Variants in PLPPR3 observed in about 807,000 individuals in gnomAD.
PLPPR3 encodes phospholipid phosphatase-related protein type 3.
A neutral mutation model predicts 27.3 loss-of-function variants in PLPPR3; 14 were observed. The observed-to-expected ratio is 0.51, with a 90% CI of 0.34 to 0.80. The LOEUF (loss-of-function observed/expected upper bound fraction) is 0.80. PLPPR3 is among the 30% of genes least tolerant of loss of function. PLPPR3 has a pLI of 0.01. For synonymous variants in PLPPR3, 671 were observed against 508.0 expected (o/e 1.32, Z -4.32); for missense variants, 1,287 against 1,056.9 (o/e 1.22, Z -3.02).
chr19:822,050 C>G (rs1000037722), upstream of PLPPR3: 2 of 151,438 alleles, frequency 1.3e-5, no homozygotes, highest in Non-Finnish European at 2.9e-5. Context: ...GCAGCCCAGA[C>G]GCCGCAGCCA....
At chr19:814,298 T>A in intron 7 of PLPPR3, 136 bp downstream of exon 7, 1 of 577,870 alleles carries the variant, frequency 1.7e-6, no homozygotes, top group Non-Finnish European at 2.5e-6. Flanking sequence ...CAGCCTCCCC[T>A]GTCAGACCCC....
At chr19:816,338 CACCCA>C (rs2035053560) in intron 2 of PLPPR3, among the ~76,000 whole-genome samples, 2 of 54,210 alleles carry the variant, frequency 3.7e-5, no homozygotes, top group Non-Finnish European at 6.8e-5. Context: ...TCCACCCACC[CACCCA>C]TCCATCCGTC....
chr19:823,751 A>C (rs981006986), upstream of PLPPR3, among the ~76,000 whole-genome samples: 1 of 152,002 alleles, frequency 6.6e-6, no homozygotes, highest in African/African-American at 2.4e-5. Flanking sequence ...GGTGGGTCCC[A>C]TTCGATGCGA....
upstream of PLPPR3, among the ~76,000 whole-genome samples, chr19:823,450 A>AAAAAAAAAAAAAAAAAAAAAAAC (rs111454578): frequency 6.5e-4 from 94 of 143,732 alleles, 1 homozygote; most frequent in Non-Finnish European, 9.0e-4. Context: ...TCAAAAAAAA[A>AAAAAAAAAAAAAAAAAAAAAAAC]AAAAAAAACA....
intron 7 of PLPPR3, 102 bp downstream of exon 7, chr19:814,332 C>T (rs2035012481): frequency 8.3e-7 from 1 of 1,211,102 alleles, no homozygotes; most frequent in Admixed American, 2.3e-5. Flanking sequence ...CCACCTCAGA[C>T]CCCTGGGCCA....
In PLPPR3 at chr19:815,726, G is replaced by A. The variant is rs370088177; in HGVS notation, c.201C>T (p.Asn67=). 3.1e-5 allele frequency: 50 copies of A among 1,611,084 alleles called. No individual in the cohort carries two copies. Among genetic ancestry groups the A allele is most frequent in the Middle Eastern group, 1.6e-4 (1 of 6,078 alleles). Residue 67 remains asparagine (N), a synonymous_variant, in exon 3 of 8, where the codon AAC becomes AAT. Transcript: ENST00000520876. ...RTLSMPYVET[N]EELIPLLMLL... ...GCATCAGCAGCGGGATGAGCTCCTC[G>A]TTGGTCTCCACGTAGGGCATGGAGA...
chr19:813,174 T>C lies in PLPPR3; in HGVS notation c.1553A>G (p.Lys518Arg), dbSNP rs1216481874. The change falls in exon 8 of 8, where the codon AAG (lysine) becomes AGG (arginine). Residue 518 changes from lysine (K) to arginine (R), a missense_variant. Physicochemically the swap from Lys to Arg is conservative, Grantham distance 26. Coordinates refer to ENST00000520876, the MANE Select transcript of PLPPR3 (RefSeq NM_001270366.2). The surrounding 1 kb of genome is among the most constrained non-coding windows in gnomAD (Gnocchi z 4.1). ...SPKSGAGVRAKWLMMAEKSGA... is the reference protein window; with the variant it reads ...SPKSGAGVRARWLMMAEKSGA... ...GCTCTTCTCGGCCATCATGAGCCAC[T>C]TGGCGCGCACCCCGGCGCCGCTTTT... The C allele has an allele frequency of 9.9e-6, 15 of 1,518,286 alleles. No homozygotes were observed. The highest frequency in any genetic ancestry group is 3.6e-5 in the South Asian group (3 of 82,550). The allele number at this position is 1,518,286 out of a possible 1,614,324, so 94.1% of individuals were successfully genotyped here. A position where few individuals can be genotyped will look rare whatever the true frequency, so the allele number is the denominator to read the frequency against.
At position 813,305 on chromosome 19, in the gene PLPPR3, C is replaced by A; in HGVS notation, c.1422G>T (p.Ala474=). ...TGACCCGAGGCCCCAGCCCCGGCCG[C>A]GCCTGCACGGTGGGGTAGAGCGAGG... ...APPSLYPTVQ[A]RPGLGPRVIL... Residue 474 remains alanine (A), a synonymous_variant, in exon 8 of 8, where the codon GCG becomes GCT. Transcript: ENST00000520876. This position sits in a 1 kb window ranked among gnomAD's most constrained non-coding sequence, Gnocchi z 4.1. 1.4e-6 allele frequency: 2 copies of A among 1,464,396 alleles called. No homozygotes were observed. The highest frequency in any genetic ancestry group is 1.8e-6 in the Non-Finnish European group (2 of 1,120,360). The allele number at this position is 1,464,396 out of a possible 1,614,324, so 90.7% of individuals were successfully genotyped here. A position where few individuals can be genotyped will look rare whatever the true frequency, so the allele number is the denominator to read the frequency against.
intron 2 of PLPPR3, among the ~76,000 whole-genome samples, chr19:819,208 C>G (rs1439414763): frequency 9.4e-6 from 1 of 106,080 alleles, no homozygotes. Context: ...AACTCCTGAC[C>G]TCAGGTGATC....
chr19:815,197 A>G lies in PLPPR3; in HGVS notation c.392T>C (p.Val131Ala). 1.2e-6 allele frequency: 2 copies of G among 1,603,858 alleles called. No individual in the cohort carries two copies. The highest frequency in any genetic ancestry group is 1.7e-6 in the Non-Finnish European group (2 of 1,178,362). ...GTCCCGCAACTCACCCACAAACCGC[A>G]CCGTACGCCGCAGGAAGGAGTTGAA... ...CNFNSFLRRT[V>A]RFVGVHVFGL... The change falls in exon 4 of 8, where the codon GTG (valine) becomes GCG (alanine). Residue 131 changes from valine to alanine, a missense_variant. By Grantham distance (64) the Val-to-Ala change is moderately conservative. Transcript: ENST00000520876.
chr19:813,308 C>G lies in PLPPR3; in HGVS notation c.1419G>C (p.Gln473His). 6.8e-7 allele frequency: 1 copy of G among 1,465,108 alleles called. No homozygotes were observed. Among genetic ancestry groups the G allele is most frequent in the Non-Finnish European group, 8.9e-7 (1 of 1,120,790 alleles). 90.8% of individuals were successfully genotyped at this position (1,465,108 alleles called of 1,614,324 possible). ...CCCGAGGCCCCAGCCCCGGCCGCGC[C>G]TGCACGGTGGGGTAGAGCGAGGGCG... ...PAPPSLYPTV[Q>H]ARPGLGPRVI... The change falls in exon 8 of 8, where the codon CAG (glutamine) becomes CAC (histidine). Residue 473 changes from glutamine (Q) to histidine (H), a missense_variant. Coordinates refer to ENST00000520876, the MANE Select transcript of PLPPR3 (RefSeq NM_001270366.2). The surrounding 1 kb of genome is among the most constrained non-coding windows in gnomAD (Gnocchi z 4.1).
chr19:817,266 C>T (rs562363596), intron 2 of PLPPR3, among the ~76,000 whole-genome samples: 2 of 152,178 alleles, frequency 1.3e-5, no homozygotes, highest in African/African-American at 4.8e-5. Flanking sequence ...GCGTGAGGCA[C>T]CGCACCCAGC....
intron 2 of PLPPR3, among the ~76,000 whole-genome samples, chr19:818,220 T>C (rs2145078334): frequency 6.6e-6 from 1 of 152,012 alleles, no homozygotes; most frequent in Admixed American, 6.6e-5. Context: ...CCATCTCTAC[T>C]AAAAATACAA....
At chr19:815,645 G>A (rs1469787507) in intron 3 of PLPPR3, 21 bp downstream of exon 3, 4 of 1,557,306 alleles carry the variant, frequency 2.6e-6, no homozygotes, top group African/African-American at 2.7e-5. Flanking sequence ...GGCTGGCACA[G>A]GCCCCGGTGC....
At chr19:823,053 A>T (rs563043700), upstream of PLPPR3, among the ~76,000 whole-genome samples, 2 of 151,864 alleles carry the variant, frequency 1.3e-5, no homozygotes, top group East Asian at 3.9e-4. Flanking sequence ...TGGGAAGCGG[A>T]GGTTGCAGTG....
rs779530329 is a variant in PLPPR3, at chr19:814,993, G to T, written c.492C>A (p.Thr164=). The T allele has an allele frequency of 6.2e-7, 1 of 1,612,218 alleles. No homozygotes were observed. Among genetic ancestry groups the T allele is most frequent in the Non-Finnish European group, 8.5e-7 (1 of 1,179,964 alleles). The stretch of plus-strand genomic sequence containing the variant: ...GGAGAGTGTAGTTGGGCTTGCAGAC[G>T]GTGAGGAAGAAGGGAGTGTGGTAAC... The part of the protein sequence containing the change: ...ATGYHTPFFL[T]VCKPNYTLLG... Residue 164 remains threonine, a synonymous_variant, in exon 5 of 8, where the codon ACC becomes ACA. Transcript: ENST00000520876.
intron 2 of PLPPR3, among the ~76,000 whole-genome samples, chr19:817,168 G>A (rs1190138627): frequency 6.6e-6 from 1 of 152,140 alleles, no homozygotes; most frequent in African/African-American, 2.4e-5. Context: ...AGTAGAGACA[G>A]GGTATCGTCA....
upstream of PLPPR3, among the ~76,000 whole-genome samples, chr19:822,926 C>T (rs1354690080): frequency 6.6e-6 from 1 of 151,774 alleles, no homozygotes; most frequent in Non-Finnish European, 1.5e-5. Flanking sequence ...CGAGACCAGC[C>T]TGGACAACAT....
chr19:814,871 G>A lies in PLPPR3; in HGVS notation c.599+15C>T, dbSNP rs766543532. The A allele has an allele frequency of 4.4e-6, 7 of 1,604,330 alleles. No homozygotes were observed. The East Asian group carries it at 1.6e-4, about 36-fold the overall frequency. On this transcript the variant is annotated intron_variant, in intron 5 of 7. Transcript: ENST00000520876. ...AAGAAGGCTCCCAGTCAGGGGAGTT[G>A]GGGGTCCGGCTCACCGTGCAGACAG...
Sources: gnomAD v4.1 joint callset for allele counts (sites outside exome capture counted in the v4.1 genomes callset) on GRCh38, gnomAD v4.1.1 for gene constraint, Gnocchi (gnomAD v3.1) non-coding constraint, MANE v1.5 for transcripts, NCBI Gene and HGNC (gene_info 2026-07-23, HGNC 2026-07-21) for gene names.